The following PTER variants were observed in gnomAD, a reference collection of about 807,000 sequenced individuals.
PTER encodes N-acetyltaurine hydrolase.
A neutral mutation model predicts 29.6 loss-of-function variants in PTER; 38 were observed. The ratio of observed to expected loss-of-function variants is 1.28; its 90% CI spans 0.99 to 1.68. The LOEUF is 1.68. Among genes scored for constraint, PTER ranks in the 40% most tolerant of loss-of-function variants. The pLI is 0.00. For missense variants in PTER, 482 were observed against 427.8 expected (o/e 1.13, Z -1.12); for synonymous variants, 172 against 154.5 (o/e 1.11, Z -0.84).
chr10:16,508,117 G>A (rs1836655407), intron 4 of PTER, among the ~76,000 whole-genome samples: 1 of 140,382 alleles, frequency 7.1e-6, no homozygotes, highest in Admixed American at 7.5e-5. Context: ...CGCCCAGGCA[G>A]GAGCGCAGTG....
rs117619108 is a variant in PTER at position 16,509,745 on chromosome 10, A to C, written c.840-1301A>C. ...GATCAGAACTTCAGGATAGTATACAAATTTCAATGAGGCAAAAAATCATAG... is the reference window on the plus strand; with the variant it reads ...GATCAGAACTTCAGGATAGTATACACATTTCAATGAGGCAAAAAATCATAG... On this transcript the variant is annotated intron_variant, in intron 4 of 4. Coordinates refer to ENST00000535784, the MANE Select transcript of PTER (RefSeq NM_001261836.2). 5.0e-3 allele frequency among the ~76,000 whole-genome samples: 757 copies of C among 152,324 alleles called. 4 individuals are homozygous for C. Among genetic ancestry groups the C allele is most frequent in the Non-Finnish European group, 8.8e-3 (598 of 68,038 alleles).
chr10:16,492,398 G>A (rs890954566), intron 3 of PTER, among the ~76,000 whole-genome samples: 8 of 152,006 alleles, frequency 5.3e-5, no homozygotes, highest in African/African-American at 1.2e-4. Flanking sequence ...CTCTACCCAC[G>A]TGTCCAGGTG....
chr10:16,496,498 A>G (rs189113029), intron 3 of PTER, among the ~76,000 whole-genome samples: 2 of 152,164 alleles, frequency 1.3e-5, no homozygotes, highest in South Asian at 2.1e-4. Context: ...GGAATGTTCT[A>G]TTTCCCCTTA....
chr10:16,510,187 A>G (rs927355739), intron 4 of PTER, among the ~76,000 whole-genome samples: 13 of 152,190 alleles, frequency 8.5e-5, no homozygotes, highest in Non-Finnish European at 2.9e-5. Context: ...CACGACAGAC[A>G]CTGCCCAGAG....
intron 1 of PTER, among the ~76,000 whole-genome samples, chr10:16,465,241 C>T (rs113087166): frequency 2.1e-3 from 226 of 105,598 alleles, no homozygotes; most frequent in African/African-American, 9.8e-3. Flanking sequence ...TCATTGAATG[C>T]TTACCATATA....
chr10:16,484,127 G>C (rs1260358526), intron 1 of PTER, among the ~76,000 whole-genome samples: 3 of 152,138 alleles, frequency 2.0e-5, no homozygotes, highest in African/African-American at 7.2e-5. Flanking sequence ...AGTAGAAGGG[G>C]TGGGAGGCAA....
intron 1 of PTER, among the ~76,000 whole-genome samples, chr10:16,478,570 G>A (rs1488486354): frequency 6.6e-6 from 1 of 151,918 alleles, no homozygotes; most frequent in Non-Finnish European, 1.5e-5. Flanking sequence ...CTGACCTCAG[G>A]TGATTTGCCT....
intron 3 of PTER, among the ~76,000 whole-genome samples, chr10:16,494,533 G>A (rs1173964827): frequency 1.3e-5 from 2 of 152,106 alleles, no homozygotes; most frequent in Admixed American, 1.3e-4. Flanking sequence ...ATTGTTCAAT[G>A]AAAGTCATGC....
intron 1 of PTER, among the ~76,000 whole-genome samples, chr10:16,450,644 C>G (rs1834172367): frequency 6.6e-6 from 1 of 152,130 alleles, no homozygotes; most frequent in Non-Finnish European, 1.5e-5. Flanking sequence ...ACAATTTCAG[C>G]CCTTTGTCTA....
chr10:16,460,308 T>G (rs939078131), intron 1 of PTER, among the ~76,000 whole-genome samples: 2 of 152,160 alleles, frequency 1.3e-5, no homozygotes. Flanking sequence ...ATTTTGATGT[T>G]CATAGTAAAT....
rs559876665 is a variant in PTER, at chr10:16,512,055, T to G, written c.*799T>G. On this transcript the variant is annotated 3_prime_UTR_variant, in exon 5 of 5. Transcript: ENST00000535784. ...CACAATTTAATTAATTGGTAAGATA[T>G]AATGCAAAAAAAAAAAGAGAAATGT... The G allele has an allele frequency of 6.8e-6, 1 of 147,322 alleles. No individual in the cohort carries two copies. The highest frequency in any genetic ancestry group is 6.6e-5 in the Admixed American group (1 of 15,062). 9.1% of individuals were successfully genotyped at this position (147,322 alleles called of 1,614,324 possible).
intron 1 of PTER, among the ~76,000 whole-genome samples, chr10:16,467,719 G>A (rs1009189719): frequency 1.7e-4 from 26 of 152,268 alleles, no homozygotes; most frequent in African/African-American, 6.0e-4. Flanking sequence ...GGCTGACGCA[G>A]GAGAATTGCT....
intron 1 of PTER, among the ~76,000 whole-genome samples, chr10:16,471,997 A>G (rs1179527861): frequency 1.3e-5 from 2 of 152,232 alleles, no homozygotes; most frequent in African/African-American, 4.8e-5. Flanking sequence ...TCATACCTCC[A>G]CGCTCACTAC....
rs1026808684 is a variant in PTER, at chr10:16,484,471, G to A, written c.87G>A (p.Leu29=). Residue 29 remains leucine (L), a synonymous_variant, in exon 2 of 5, where the codon CTG becomes CTA. Transcript: ENST00000535784. ...GCCGTACCCTGACCCATGAACACCT[G>A]GCCATGACCTTTGACTGCTGTTACT... The part of the protein sequence containing the change: ...KLGRTLTHEH[L]AMTFDCCYCP... 1.2e-6 allele frequency: 2 copies of A among 1,613,890 alleles called. No homozygotes were observed. The highest frequency in any genetic ancestry group is 2.2e-5 in the East Asian group (1 of 44,888).
intron 1 of PTER, among the ~76,000 whole-genome samples, chr10:16,448,908 G>A (rs966107380): frequency 6.6e-6 from 1 of 152,224 alleles, no homozygotes; most frequent in Non-Finnish European, 1.5e-5. Flanking sequence ...TGCATTCTAG[G>A]TACCAGGAGA....
At chr10:16,456,248 C>T (rs1834390020) in intron 1 of PTER, among the ~76,000 whole-genome samples, 1 of 152,170 alleles carries the variant, frequency 6.6e-6, no homozygotes, top group South Asian at 2.1e-4. Context: ...TTACAGAATC[C>T]TGCTATGGGC....
At chr10:16,444,285 A>C (rs1258307991) in intron 1 of PTER, among the ~76,000 whole-genome samples, 1 of 151,448 alleles carries the variant, frequency 6.6e-6, no homozygotes, top group Non-Finnish European at 1.5e-5. Flanking sequence ...GAACCACCGC[A>C]CCCGGCCTCT....
Position 16,511,200 on chromosome 10 carries a change from A to G in PTER, c.994A>G (p.Asn332Asp). The change falls in exon 5 of 5, where the codon AAT becomes GAT. Residue 332 changes from asparagine to aspartate, a missense_variant. By Grantham distance (23) the Asn-to-Asp change is conservative. Coordinates refer to ENST00000535784, the MANE Select transcript of PTER (RefSeq NM_001261836.2). The part of the protein sequence containing the change: ...PKMLLRGITE[N>D]VLDKILIENP... ...AATGTTGCTGAGAGGCATAACTGAG[A>G]ATGTGCTTGATAAGATTCTAATAGA... The G allele has an allele frequency of 1.9e-6, 3 of 1,614,178 alleles. No individual in the cohort carries two copies. Among genetic ancestry groups the G allele is most frequent in the Non-Finnish European group, 2.5e-6 (3 of 1,179,996 alleles).
At chr10:16,510,907 G>T (rs1217955727) in intron 4 of PTER, 139 bp from the exon 5 acceptor site, 1 of 667,560 alleles carries the variant, frequency 1.5e-6, no homozygotes, top group East Asian at 2.7e-5. Flanking sequence ...ATTTATTAAA[G>T]GTCTCTCAGT....
Sources: gnomAD v4.1 joint callset for allele counts (sites outside exome capture counted in the v4.1 genomes callset) on GRCh38, gnomAD v4.1.1 for gene constraint, MANE v1.5 for transcripts, NCBI Gene and HGNC (gene_info 2026-07-23, HGNC 2026-07-21) for gene names.